The following QTMAN variants were observed in gnomAD, a reference collection of about 807,000 sequenced individuals.
QTMAN encodes the protein queuosine-tRNA mannosyltransferase, also known as tRNA-queuosine alpha-mannosyltransferase.
chr2:144,297,394 A>C, the QTMAN span, among the ~76,000 whole-genome samples: 3 of 152,094 alleles, frequency 2.0e-5, no homozygotes, highest in Admixed American at 6.6e-5. Context: ...AGAATAAATC[A>C]ACTCCTGGCC....
chr2:144,172,846 C>A, the QTMAN span, among the ~76,000 whole-genome samples: 4 of 152,006 alleles, frequency 2.6e-5, no homozygotes, highest in South Asian at 8.3e-4. Flanking sequence ...AGATTATGAC[C>A]AAGGAAGAAT....
At chr2:144,111,520 A>G in the QTMAN span, among the ~76,000 whole-genome samples, 10 of 152,162 alleles carry the variant, frequency 6.6e-5, no homozygotes, top group Admixed American at 4.6e-4. Flanking sequence ...ACACAGACCT[A>G]TGGGAACTCT....
chr2:144,150,351 G>A, the QTMAN span, among the ~76,000 whole-genome samples: 2 of 151,744 alleles, frequency 1.3e-5, no homozygotes, highest in African/African-American at 4.8e-5. Flanking sequence ...TACTCTCTAG[G>A]ATCCTGTATT....
chr2:144,320,678 C>T, the QTMAN span, among the ~76,000 whole-genome samples: 11 of 152,184 alleles, frequency 7.2e-5, no homozygotes, highest in African/African-American at 2.7e-4. Flanking sequence ...CTGTACTAGA[C>T]ATCAGTCTAG....
chr2:144,098,071 C>T, the QTMAN span, among the ~76,000 whole-genome samples: 1 of 152,218 alleles, frequency 6.6e-6, no homozygotes, highest in Non-Finnish European at 1.5e-5. Flanking sequence ...TAATGTGAGC[C>T]AGACCTGGCT....
At chr2:144,010,729 T>C in the QTMAN span, among the ~76,000 whole-genome samples, 5 of 152,090 alleles carry the variant, frequency 3.3e-5, no homozygotes, top group African/African-American at 4.8e-5. Context: ...AATGGAAGAA[T>C]TGATTTATGA....
the QTMAN span, among the ~76,000 whole-genome samples, chr2:143,985,294 T>G: frequency 7.7e-4 from 118 of 152,328 alleles, no homozygotes; most frequent in Middle Eastern, 3.4e-3. Flanking sequence ...GCCAGCCCTG[T>G]TGCAAGTCCC....
At chr2:144,097,092 T>C in the QTMAN span, among the ~76,000 whole-genome samples, 2 of 152,234 alleles carry the variant, frequency 1.3e-5, no homozygotes, top group South Asian at 2.1e-4. Context: ...TAAGGAAATA[T>C]GCCACTTGTT....
At chr2:144,172,254 A>AT in the QTMAN span, among the ~76,000 whole-genome samples, 2 of 152,132 alleles carry the variant, frequency 1.3e-5, no homozygotes, top group African/African-American at 4.8e-5. Context: ...AATTATTAAG[A>AT]TTTAAACGAC....
chr2:144,204,725 A>G, the QTMAN span, among the ~76,000 whole-genome samples: 1 of 152,166 alleles, frequency 6.6e-6, no homozygotes, highest in Non-Finnish European at 1.5e-5. Flanking sequence ...TCACAATAGC[A>G]AAGACTTGGA....
chr2:144,002,932 T>C, the QTMAN span, among the ~76,000 whole-genome samples: 1 of 151,944 alleles, frequency 6.6e-6, no homozygotes, highest in Non-Finnish European at 1.5e-5. Flanking sequence ...TTGCAACAAA[T>C]TAAACACTTA....
the QTMAN span, among the ~76,000 whole-genome samples, chr2:144,323,907 G>T: frequency 6.6e-6 from 1 of 152,174 alleles, no homozygotes; most frequent in Non-Finnish European, 1.5e-5. Flanking sequence ...GAAGTTACTT[G>T]TCCAAGGTCA....
the QTMAN span, among the ~76,000 whole-genome samples, chr2:144,225,272 CA>C: frequency 3.3e-5 from 5 of 152,178 alleles, no homozygotes; most frequent in Non-Finnish European, 7.3e-5. Context: ...CCTCTGGTAT[CA>C]GACCTTCTTT....
At chr2:144,318,194 A>AACACAC in the QTMAN span, among the ~76,000 whole-genome samples, 2,428 of 142,002 alleles carry the variant, frequency 0.017, 39 homozygotes, top group African/African-American at 0.041. Context: ...TATTTAAATA[A>AACACAC]ACACACACAC....
the QTMAN span, among the ~76,000 whole-genome samples, chr2:144,169,119 T>G: frequency 6.6e-6 from 1 of 152,096 alleles, no homozygotes; most frequent in African/African-American, 2.4e-5. Flanking sequence ...GAACTTTAGT[T>G]TTCAATGTAA....
the QTMAN span, among the ~76,000 whole-genome samples, chr2:143,949,776 T>C: frequency 6.6e-6 from 1 of 151,850 alleles, no homozygotes; most frequent in Non-Finnish European, 1.5e-5. Flanking sequence ...TGTCTATTTA[T>C]AAAACACAAG....
the QTMAN span, among the ~76,000 whole-genome samples, chr2:144,280,716 G>C: frequency 6.6e-6 from 1 of 151,930 alleles, no homozygotes; most frequent in Non-Finnish European, 1.5e-5. Context: ...GGGAGAAAAA[G>C]TCTACAAATC....
the QTMAN span, among the ~76,000 whole-genome samples, chr2:144,054,293 G>A: frequency 6.6e-6 from 1 of 152,006 alleles, no homozygotes; most frequent in South Asian, 2.1e-4. Context: ...CACAACAAAG[G>A]TTCTTTGCTC....
chr2:144,322,086 C>G, the QTMAN span, among the ~76,000 whole-genome samples: 4 of 152,150 alleles, frequency 2.6e-5, no homozygotes, highest in Non-Finnish European at 2.9e-5. Context: ...TCACAGTAGT[C>G]CACTGATACA....
Sources: gnomAD v4.1 joint callset for allele counts (sites outside exome capture counted in the v4.1 genomes callset) on GRCh38, gnomAD v4.1.1 for gene constraint, MANE v1.5 for transcripts, NCBI Gene and HGNC (gene_info 2026-07-23, HGNC 2026-07-21) for gene names.